The following MAP7D2 variants were observed in gnomAD, a reference collection of about 807,000 sequenced individuals.
MAP7D2 encodes the protein MAP7 domain containing 2, also known as MAP7 domain-containing protein 2.
A neutral mutation model predicts 63.5 loss-of-function variants in MAP7D2; 33 were observed. That is an observed-to-expected ratio of 0.52 (90% CI 0.39 to 0.70). MAP7D2 has a LOEUF of 0.70. Among genes scored for constraint, MAP7D2 ranks in the 30% least tolerant of loss-of-function variants. The pLI is 0.00. For missense variants in MAP7D2, 626 were observed against 604.0 expected (o/e 1.04, Z -0.38); for synonymous variants, 224 against 223.7 (o/e 1.00, Z -0.01).
At position 20,063,499 on chromosome X, in the gene MAP7D2, C is replaced by T. The variant is rs2065273005; in HGVS notation, c.287G>A (p.Arg96Gln). Residue 96 changes from arginine to glutamine, a missense_variant, in exon 3 of 17, where the codon CGA becomes CAA. Transcript: ENST00000379643. ...QYEKQMEERW[R>Q]KLEEQRQRED... Reference sequence around the variant, plus strand: ...CCGCTGCCGCTGCTCTTCCAGTTTTCGCCATCGCTCCTCCATTTGCTTTTC... The same window carrying T: ...CCGCTGCCGCTGCTCTTCCAGTTTTTGCCATCGCTCCTCCATTTGCTTTTC... 23 of 1,211,973 alleles carry T rather than the reference C, an allele frequency of 1.9e-5. No homozygotes were observed. The highest frequency in any genetic ancestry group is 2.6e-5 in the Non-Finnish European group (23 of 895,459).
chrX:20,109,020 G>C (rs1309952422), intron 1 of MAP7D2, among the ~76,000 whole-genome samples: 1 of 109,687 alleles, frequency 9.1e-6, no homozygotes, highest in Admixed American at 1.0e-4. Context: ...CATTTTTGCT[G>C]TAATTCTAAG....
At chrX:20,069,125 T>A (rs1456748333) in intron 1 of MAP7D2, among the ~76,000 whole-genome samples, 2 of 112,116 alleles carry the variant, frequency 1.8e-5, no homozygotes, top group Admixed American at 1.9e-4. Context: ...TCTTTATGTA[T>A]GGCCTGAAAT....
intron 1 of MAP7D2, among the ~76,000 whole-genome samples, chrX:20,114,205 G>A (rs1180249484): frequency 8.9e-6 from 1 of 111,980 alleles, no homozygotes; most frequent in Non-Finnish European, 1.9e-5. Context: ...GCTAATGTTC[G>A]TATTTTTAGT....
At chrX:20,091,078 G>A (rs1374693965) in intron 1 of MAP7D2, among the ~76,000 whole-genome samples, 1 of 103,353 alleles carries the variant, frequency 9.7e-6, no homozygotes. Flanking sequence ...TGGAAATGGA[G>A]TCTTGCTCTT....
At chrX:20,025,270 G>C (rs1364659535) in intron 9 of MAP7D2, among the ~76,000 whole-genome samples, 187 bp from the exon 10 acceptor site, 4 of 112,229 alleles carry the variant, frequency 3.6e-5, no homozygotes, top group South Asian at 7.5e-4. Context: ...CTGGAACCCT[G>C]GACGCATTTT....
chrX:20,076,081 G>A (rs1319456631), intron 1 of MAP7D2, among the ~76,000 whole-genome samples: 1 of 111,484 alleles, frequency 9.0e-6, no homozygotes, highest in Non-Finnish European at 1.9e-5. Flanking sequence ...TAGAATTTCT[G>A]AGTTAGTAGG....
chrX:20,038,323 C>T (rs2064553904), intron 8 of MAP7D2, among the ~76,000 whole-genome samples: 1 of 111,967 alleles, frequency 8.9e-6, no homozygotes, highest in Admixed American at 9.5e-5. Context: ...CTGAACAAGG[C>T]ACTCACTTTA....
intron 6 of MAP7D2, among the ~76,000 whole-genome samples, chrX:20,048,869 C>T (rs763264430): frequency 9.1e-6 from 1 of 110,107 alleles, no homozygotes; most frequent in East Asian, 2.8e-4. Flanking sequence ...CTGCAGTGAG[C>T]TATGATCACA....
chrX:20,107,765 T>C (rs1466533402), intron 1 of MAP7D2, among the ~76,000 whole-genome samples: 2 of 111,956 alleles, frequency 1.8e-5, no homozygotes, highest in South Asian at 7.4e-4. Flanking sequence ...TTTGGTCTTT[T>C]TATTTTTAAA....
intron 1 of MAP7D2, among the ~76,000 whole-genome samples, chrX:20,072,779 C>T (rs1209917116): frequency 1.8e-5 from 2 of 111,560 alleles, no homozygotes; most frequent in African/African-American, 6.5e-5. Flanking sequence ...AACCATCACA[C>T]TGGATAAATA....
intron 1 of MAP7D2, among the ~76,000 whole-genome samples, chrX:20,080,200 T>C (rs1252898412): frequency 1.8e-5 from 2 of 110,657 alleles, no homozygotes; most frequent in Non-Finnish European, 3.8e-5. Flanking sequence ...ACAGCTAAGC[T>C]CAGGGCTCCC....
At position 20,052,923 on chromosome X, in the gene MAP7D2, G is replaced by A. The variant is rs769234000; in HGVS notation, c.550C>T (p.Arg184Cys). 12 of 1,209,674 alleles carry A rather than the reference G, an allele frequency of 9.9e-6. 1 individual carries two copies. In the Admixed American group the frequency reaches 2.2e-4, roughly 22 times the overall value. ...PKPTEPPMNK[R>C]LSSSTVAISY... is the part of the protein sequence containing the mutation. Reference sequence around the variant, plus strand: ...ATTGCCACGGTGGATGAAGACAGGCGTTTATTCATGGGAGGCTCCGTTGGC... The same window carrying A: ...ATTGCCACGGTGGATGAAGACAGGCATTTATTCATGGGAGGCTCCGTTGGC... Residue 184 changes from arginine to cysteine, a missense_variant, in exon 5 of 17, where the codon CGC becomes TGC. Transcript: ENST00000379643.
At chrX:20,055,167 T>G (rs1357030898) in intron 4 of MAP7D2, among the ~76,000 whole-genome samples, 3 of 110,840 alleles carry the variant, frequency 2.7e-5, no homozygotes, top group Non-Finnish European at 5.7e-5. Context: ...CTGTTCTTGA[T>G]CTAGACCAGA....
chrX:20,079,779 G>A (rs1184653942), intron 1 of MAP7D2, among the ~76,000 whole-genome samples: 1 of 111,604 alleles, frequency 9.0e-6, no homozygotes, highest in Non-Finnish European at 1.9e-5. Flanking sequence ...GATGATAGAA[G>A]AGAACACAGA....
chrX:20,042,771 T>C (rs2064694671), intron 7 of MAP7D2, 142 bp from the exon 8 acceptor site: 1 of 731,122 alleles, frequency 1.4e-6, no homozygotes, highest in African/African-American at 2.1e-5. Flanking sequence ...GACAGGCATC[T>C]TTGCGGGGAG....
rs184775453 is a variant in MAP7D2 at position 20,006,929 on chromosome X, C to T, written c.*1496G>A. 8.9e-6 allele frequency: 1 copy of T among 112,312 alleles called. No homozygotes were observed. The highest frequency in any genetic ancestry group is 2.8e-4 in the East Asian group (1 of 3,593). 9.3% of individuals were successfully genotyped at this position (112,312 alleles called of 1,213,427 possible). The stretch of plus-strand genomic sequence containing the variant: ...GGTACATATCATGCAAATGAGGCAT[C>T]ACCATGGTCACAATGGTGCTGTGAG... On this transcript the variant is annotated 3_prime_UTR_variant, in exon 17 of 17. Coordinates refer to ENST00000379643, the MANE Select transcript of MAP7D2 (RefSeq NM_001168465.2).
intron 1 of MAP7D2, among the ~76,000 whole-genome samples, chrX:20,083,446 A>G (rs952264226): frequency 1.8e-5 from 2 of 111,515 alleles, no homozygotes; most frequent in Non-Finnish European, 3.8e-5. Flanking sequence ...GGCTGTCACT[A>G]TTTCTTTCCT....
chrX:20,030,506 G>A (rs923349755), intron 8 of MAP7D2, among the ~76,000 whole-genome samples: 3 of 112,032 alleles, frequency 2.7e-5, no homozygotes, highest in African/African-American at 9.8e-5. Context: ...AAACACCTCT[G>A]TAAACACAGT....
chrX:20,065,916 TC>T (rs1273379585), intron 1 of MAP7D2, among the ~76,000 whole-genome samples: 1 of 92,786 alleles, frequency 1.1e-5, no homozygotes, highest in Non-Finnish European at 2.0e-5. Flanking sequence ...AGCACACCAT[TC>T]TTTTTTTTTT....
Sources: gnomAD v4.1 joint callset for allele counts (sites outside exome capture counted in the v4.1 genomes callset) on GRCh38, gnomAD v4.1.1 for gene constraint, MANE v1.5 for transcripts, NCBI Gene and HGNC (gene_info 2026-07-23, HGNC 2026-07-21) for gene names.